The following TANGO6 variants were observed in gnomAD, a reference collection of about 807,000 sequenced individuals.
TANGO6 encodes the protein transport and golgi organization 6 homolog.
In TANGO6, 90 loss-of-function variants were observed where a neutral mutation model predicts 114.2. That is an observed-to-expected ratio of 0.79 (90% CI 0.66 to 0.94). The LOEUF (loss-of-function observed/expected upper bound fraction) is 0.94, where lower values mean the gene tolerates loss of function less well. Among genes scored for constraint, TANGO6 ranks in the 40% least tolerant of loss-of-function variants. TANGO6 has a pLI of 0.00. For missense variants in TANGO6, 1,274 were observed against 1,315.3 expected, an observed-to-expected ratio of 0.97 and a Z score of 0.49; for synonymous variants, 477 against 509.8, an observed-to-expected ratio of 0.94 and a Z score of 0.87.
chr16:69,056,997 CTTTTTTTTT>C (rs71148961), intron 17 of TANGO6, among the ~76,000 whole-genome samples: 3 of 59,822 alleles, frequency 5.0e-5, no homozygotes, highest in African/African-American at 1.4e-4. Context: ...GCCTGATTTT[CTTTTTTTTT>C]TTTTTTTTTT....
chr16:69,068,439 T>C (rs1463616211), intron 17 of TANGO6, among the ~76,000 whole-genome samples: 1 of 152,198 alleles, frequency 6.6e-6, no homozygotes, highest in Non-Finnish European at 1.5e-5. Context: ...CTGGGCAAAT[T>C]GGAAATGATA....
intron 14 of TANGO6, chr16:68,973,732 G>T: frequency 2.6e-6 from 1 of 391,752 alleles, no homozygotes. Context: ...AATTATACAG[G>T]AATGGAGAAC....
chr16:68,913,011 C>T (rs925043925), intron 11 of TANGO6, among the ~76,000 whole-genome samples: 8 of 142,164 alleles, frequency 5.6e-5, no homozygotes, highest in African/African-American at 2.1e-4. Context: ...ACCCGGGAGG[C>T]GGAGGTTGCA....
chr16:68,951,895 A>G (rs1250091064), intron 14 of TANGO6, among the ~76,000 whole-genome samples: 4 of 152,172 alleles, frequency 2.6e-5, no homozygotes, highest in African/African-American at 9.6e-5. Flanking sequence ...TACAGGCGTG[A>G]GCCACCACAC....
At chr16:69,019,523 GA>G (rs997593742) in intron 15 of TANGO6, among the ~76,000 whole-genome samples, 1 of 151,524 alleles carries the variant, frequency 6.6e-6, no homozygotes. Flanking sequence ...AAACAAAAAC[GA>G]AAAAAAACAA....
chr16:68,932,471 A>G (rs913837188), intron 14 of TANGO6, among the ~76,000 whole-genome samples: 1 of 152,168 alleles, frequency 6.6e-6, no homozygotes, highest in Non-Finnish European at 1.5e-5. Context: ...AATGTGATAG[A>G]TGGGATTCTG....
chr16:68,999,950 G>C (rs1964024726), intron 15 of TANGO6, among the ~76,000 whole-genome samples: 1 of 152,204 alleles, frequency 6.6e-6, no homozygotes, highest in Non-Finnish European at 1.5e-5. Flanking sequence ...GTGCTTGTCA[G>C]AGTCCTGTAG....
At chr16:68,989,631 TTGAAAATGGTTTATA>T (rs1963929720) in intron 15 of TANGO6, among the ~76,000 whole-genome samples, 1 of 152,236 alleles carries the variant, frequency 6.6e-6, no homozygotes. Flanking sequence ...GTCTTTTTCC[TTGAAAATGGTTTATA>T]TTTTCACATA....
intron 17 of TANGO6, among the ~76,000 whole-genome samples, chr16:69,065,840 C>T (rs946858695): frequency 2.0e-5 from 3 of 152,152 alleles, no homozygotes; most frequent in Non-Finnish European, 2.9e-5. Flanking sequence ...TTCATAGACC[C>T]ATCAAAGTGA....
At chr16:68,947,844 G>A (rs1185528495) in intron 14 of TANGO6, among the ~76,000 whole-genome samples, 2 of 151,912 alleles carry the variant, frequency 1.3e-5, no homozygotes, top group Admixed American at 6.6e-5. Flanking sequence ...CGCCTGCCCC[G>A]GCCTCCCAAA....
At chr16:68,917,373 C>T (rs922936072) in intron 11 of TANGO6, among the ~76,000 whole-genome samples, 3 of 152,080 alleles carry the variant, frequency 2.0e-5, no homozygotes, top group African/African-American at 7.2e-5. Flanking sequence ...CAACCATGTG[C>T]AGGTTTTTGT....
chr16:68,848,140 G>C (rs1412469250), intron 1 of TANGO6, among the ~76,000 whole-genome samples: 1 of 151,704 alleles, frequency 6.6e-6, no homozygotes, highest in Non-Finnish European at 1.5e-5. Flanking sequence ...GTGTTGCCCA[G>C]CCGGGAGTAC....
intron 1 of TANGO6, among the ~76,000 whole-genome samples, chr16:68,856,370 T>A (rs1742383131): frequency 6.6e-6 from 1 of 152,222 alleles, no homozygotes; most frequent in African/African-American, 2.4e-5. Context: ...CTCCTTATAC[T>A]GTTAATAAGA....
At chr16:69,002,224 A>T (rs1593138) in intron 15 of TANGO6, among the ~76,000 whole-genome samples, 56,699 of 151,644 alleles carry the variant, frequency 0.37, 12,456 homozygotes, top group East Asian at 0.53. Flanking sequence ...GAAAACGGAC[A>T]GGAGAAATAA....
intron 17 of TANGO6, among the ~76,000 whole-genome samples, chr16:69,052,148 A>G (rs1959959755): frequency 1.3e-5 from 2 of 150,476 alleles, no homozygotes; most frequent in African/African-American, 2.4e-5. Context: ...GTGTCTCCCT[A>G]TATTGCCCAG....
At chr16:69,068,906 G>T (rs998220672) in intron 17 of TANGO6, among the ~76,000 whole-genome samples, 1 of 152,128 alleles carries the variant, frequency 6.6e-6, no homozygotes, top group Non-Finnish European at 1.5e-5. Flanking sequence ...TAGTAGAGAA[G>T]GGGTTTTGCC....
chr16:68,957,429 G>A (rs368832550), intron 14 of TANGO6, among the ~76,000 whole-genome samples: 17 of 140,444 alleles, frequency 1.2e-4, no homozygotes, highest in East Asian at 4.2e-4. Flanking sequence ...ACAGTGTCTC[G>A]CTCTGTCACC....
intron 14 of TANGO6, among the ~76,000 whole-genome samples, chr16:68,946,327 GACT>G (rs1301063500): frequency 6.6e-6 from 1 of 151,852 alleles, no homozygotes; most frequent in Non-Finnish European, 1.5e-5. Flanking sequence ...GAGTAGCTGG[GACT>G]ACAGGCTCCC....
intron 15 of TANGO6, among the ~76,000 whole-genome samples, chr16:69,011,254 G>T (rs907177904): frequency 6.6e-5 from 10 of 152,118 alleles, no homozygotes; most frequent in African/African-American, 2.4e-4. Context: ...AAAGAAAAGG[G>T]GGGGCAGGAG....
Sources: gnomAD v4.1 joint callset for allele counts (sites outside exome capture counted in the v4.1 genomes callset) on GRCh38, gnomAD v4.1.1 for gene constraint, MANE v1.5 for transcripts, NCBI Gene and HGNC (gene_info 2026-07-23, HGNC 2026-07-21) for gene names.